The following KCNN2 variants were observed in gnomAD, a reference collection of about 807,000 sequenced individuals.
KCNN2 encodes potassium calcium-activated channel subfamily N member 2.
In KCNN2, 24 loss-of-function variants were observed where a neutral mutation model predicts 55.5. The ratio of observed to expected loss-of-function variants is 0.43; its 90% confidence interval spans 0.31 to 0.61. The LOEUF is 0.61. Ranked by LOEUF, KCNN2 falls within the 20% of genes least tolerant of loss-of-function variation. The pLI is 0.08. For synonymous variants in KCNN2, 431 were observed against 336.1 expected, an observed-to-expected ratio of 1.28 and a Z score of -3.09; for missense variants, 754 against 853.6, an observed-to-expected ratio of 0.88 and a Z score of 1.45.
At chr5:114,255,768 T>C (rs1754969822) in intron 2 of KCNN2, among the ~76,000 whole-genome samples, 1 of 152,166 alleles carries the variant, frequency 6.6e-6, no homozygotes, top group Non-Finnish European at 1.5e-5. Flanking sequence ...TTGTAGGGCA[T>C]GGGAATACAT....
At chr5:114,414,614 AT>A (rs1263260113) in intron 3 of KCNN2, among the ~76,000 whole-genome samples, 2 of 152,188 alleles carry the variant, frequency 1.3e-5, no homozygotes, top group South Asian at 4.1e-4. Flanking sequence ...CTGTCAAATA[AT>A]TAAGGATACT....
chr5:114,343,213 AGCC>A (rs1029409043), intron 2 of KCNN2, among the ~76,000 whole-genome samples: 2 of 152,210 alleles, frequency 1.3e-5, no homozygotes. Context: ...GCTAATGAAT[AGCC>A]AACAGAGGCT....
intron 1 of KCNN2, among the ~76,000 whole-genome samples, chr5:114,135,775 A>G (rs573929217): frequency 6.6e-6 from 1 of 152,328 alleles, no homozygotes; most frequent in East Asian, 1.9e-4. Context: ...ACTTTGAAAT[A>G]TGGATTATTA....
intron 1 of KCNN2, among the ~76,000 whole-genome samples, chr5:114,215,595 C>T (rs1753985443): frequency 6.6e-6 from 1 of 152,054 alleles, no homozygotes. Flanking sequence ...TGCTACAAAT[C>T]GGACACCCCT....
At chr5:114,181,944 G>T (rs1753248749) in intron 1 of KCNN2, among the ~76,000 whole-genome samples, 1 of 152,178 alleles carries the variant, frequency 6.6e-6, no homozygotes, top group African/African-American at 2.4e-5. Flanking sequence ...AACCCGGGAG[G>T]TGGAGATTGC....
chr5:114,286,889 G>C (rs932923181), intron 2 of KCNN2, among the ~76,000 whole-genome samples: 8 of 152,182 alleles, frequency 5.3e-5, no homozygotes, highest in African/African-American at 1.9e-4. Flanking sequence ...TATCATGACG[G>C]AAGTGTCTAT....
chr5:114,098,749 A>G (rs536595854), intron 1 of KCNN2, among the ~76,000 whole-genome samples: 52 of 152,298 alleles, frequency 3.4e-4, no homozygotes, highest in South Asian at 6.2e-4. Context: ...ATGTCATAGA[A>G]TTAACATGAA....
At chr5:114,352,780 T>C (rs1008010918) in intron 2 of KCNN2, among the ~76,000 whole-genome samples, 1 of 151,970 alleles carries the variant, frequency 6.6e-6, no homozygotes, top group Non-Finnish European at 1.5e-5. Flanking sequence ...TGCAATTTTG[T>C]TACAAGCATA....
chr5:114,472,966 T>C, intron 4 of KCNN2, 88 bp from the exon 5 acceptor site: 1 of 696,242 alleles, frequency 1.4e-6, no homozygotes. Flanking sequence ...TGAGAAACTT[T>C]TGCATTTGAT....
chr5:114,371,043 T>C (rs1393612870), intron 2 of KCNN2, among the ~76,000 whole-genome samples: 1 of 152,208 alleles, frequency 6.6e-6, no homozygotes, highest in South Asian at 2.1e-4. Context: ...AGTGGGCTGA[T>C]TGGAGGTAGA....
At chr5:114,381,929 G>A (rs1758137140) in intron 2 of KCNN2, among the ~76,000 whole-genome samples, 1 of 152,180 alleles carries the variant, frequency 6.6e-6, no homozygotes, top group Admixed American at 6.5e-5. Context: ...GCTGGGTGAT[G>A]CAGGGATGGG....
intron 2 of KCNN2, among the ~76,000 whole-genome samples, chr5:114,270,961 T>G (rs1263118459): frequency 6.6e-6 from 1 of 152,128 alleles, no homozygotes; most frequent in Non-Finnish European, 1.5e-5. Flanking sequence ...ATAAAGGTAG[T>G]GCGGACCCTT....
At chr5:114,367,322 A>C (rs1020634748) in intron 2 of KCNN2, among the ~76,000 whole-genome samples, 9 of 152,212 alleles carry the variant, frequency 5.9e-5, no homozygotes, top group Non-Finnish European at 1.5e-5. Context: ...AATTACTTTT[A>C]TACCTCACTA....
At chr5:114,294,056 C>T (rs1481705260) in intron 2 of KCNN2, among the ~76,000 whole-genome samples, 2 of 151,958 alleles carry the variant, frequency 1.3e-5, no homozygotes, top group Non-Finnish European at 2.9e-5. Context: ...TATCATTTTT[C>T]ATTGCGTCTA....
upstream of KCNN2, among the ~76,000 whole-genome samples, chr5:114,357,237 A>T (rs1358756631): frequency 6.6e-6 from 1 of 152,078 alleles, no homozygotes; most frequent in Non-Finnish European, 1.5e-5. Context: ...GAGAATTATG[A>T]ACAATGGCAT....
chr5:114,133,795 T>G (rs1336300761), intron 1 of KCNN2, among the ~76,000 whole-genome samples: 1 of 152,224 alleles, frequency 6.6e-6, no homozygotes, highest in Non-Finnish European at 1.5e-5. Flanking sequence ...TTATCAATGC[T>G]TACCCTTGTT....
intron 2 of KCNN2, among the ~76,000 whole-genome samples, chr5:114,331,376 G>A (rs891510108): frequency 6.6e-6 from 1 of 152,178 alleles, no homozygotes; most frequent in Non-Finnish European, 1.5e-5. Context: ...AGAAGGCAAT[G>A]TGGCTTGGGG....
chr5:114,135,977 G>A (rs1435278814), intron 1 of KCNN2, among the ~76,000 whole-genome samples: 2 of 151,998 alleles, frequency 1.3e-5, no homozygotes, highest in African/African-American at 4.8e-5. Flanking sequence ...CATAAAGAAG[G>A]AACAGAGAAA....
intron 2 of KCNN2, among the ~76,000 whole-genome samples, chr5:114,382,817 T>G (rs904113352): frequency 1.3e-5 from 2 of 152,212 alleles, no homozygotes; most frequent in African/African-American, 4.8e-5. Flanking sequence ...ACTCCAAGGA[T>G]TAGCAGCTTG....
Sources: allele counts gnomAD v4.1 joint callset (sites outside exome capture counted in the v4.1 genomes callset), GRCh38; gene constraint gnomAD v4.1.1; transcripts MANE v1.5; gene names NCBI Gene and HGNC (gene_info 2026-07-23, HGNC 2026-07-21).